The following MAGI2 variants were observed in gnomAD, a reference collection of about 807,000 sequenced individuals.
MAGI2 encodes the protein membrane associated guanylate kinase, WW and PDZ domain containing 2.
In MAGI2, 35 loss-of-function variants were observed where a neutral mutation model predicts 133.3. That is an observed-to-expected ratio of 0.26 (90% confidence interval 0.20 to 0.35). MAGI2 has a LOEUF of 0.35. Ranked by LOEUF, MAGI2 falls within the 10% of genes least tolerant of loss-of-function variation. The pLI, the probability that MAGI2 is intolerant of heterozygous loss-of-function variation, is 1.00. For synonymous variants in MAGI2, 729 were observed against 710.6 expected, an observed-to-expected ratio of 1.03 and a Z score of -0.41; for missense variants, 1,636 against 1,863.4, an observed-to-expected ratio of 0.88 and a Z score of 2.25.
intron 1 of MAGI2, among the ~76,000 whole-genome samples, chr7:79,242,042 G>A (rs1256575163): frequency 6.6e-6 from 1 of 152,130 alleles, no homozygotes. Context: ...CTACCACTTG[G>A]CTAGCACTGC....
chr7:78,477,538 G>A (rs913267828), intron 6 of MAGI2, among the ~76,000 whole-genome samples: 2 of 151,886 alleles, frequency 1.3e-5, no homozygotes, highest in African/African-American at 2.4e-5. Flanking sequence ...AATCATGGCA[G>A]AAGATGAAGG....
chr7:79,039,149 T>C (rs1811384987), intron 1 of MAGI2, among the ~76,000 whole-genome samples: 3 of 152,064 alleles, frequency 2.0e-5, no homozygotes, highest in Non-Finnish European at 4.4e-5. Context: ...GTTCTCGTGA[T>C]AGTGAGTGAG....
chr7:79,083,844 A>G (rs753956907), intron 1 of MAGI2, among the ~76,000 whole-genome samples: 4 of 151,710 alleles, frequency 2.6e-5, no homozygotes, highest in Non-Finnish European at 5.9e-5. Context: ...AATTCAGTCT[A>G]TTTACTCATT....
In MAGI2 at chr7:78,951,113, A is replaced by C. The variant is rs547572270; in HGVS notation, c.418+55977T>G. On this transcript the variant is annotated intron_variant, in intron 2 of 21. Coordinates refer to ENST00000354212, the MANE Select transcript of MAGI2 (RefSeq NM_012301.4). The stretch of plus-strand genomic sequence containing the variant: ...CAGCCTCCCAAGTGGCTGGGATTAC[A>C]GGTGTGCACCACCACGCCTGGCTAA... Among the ~76,000 whole-genome samples, 305 of 151,884 alleles carry C rather than the reference A, an allele frequency of 2.0e-3. 3 individuals are homozygous for C. The highest frequency in any genetic ancestry group is 5.2e-3 in the South Asian group (25 of 4,810).
chr7:79,312,764 G>C (rs767312320), intron 1 of MAGI2, among the ~76,000 whole-genome samples: 5 of 152,160 alleles, frequency 3.3e-5, no homozygotes, highest in Admixed American at 3.3e-4. Context: ...GAAGAGCACT[G>C]TCAAAACCTA....
intron 1 of MAGI2, among the ~76,000 whole-genome samples, chr7:79,253,070 A>G (rs1247875280): frequency 2.0e-5 from 3 of 152,232 alleles, no homozygotes; most frequent in Admixed American, 6.5e-5. Context: ...TAGAATATCA[A>G]TCTCATTTCT....
chr7:79,299,207 TA>T (rs1389008774), intron 1 of MAGI2, among the ~76,000 whole-genome samples: 1 of 152,090 alleles, frequency 6.6e-6, no homozygotes, highest in Non-Finnish European at 1.5e-5. Flanking sequence ...AGACCTTATA[TA>T]AGAATATTTG....
At chr7:78,311,193 T>C (rs1420611704) in intron 9 of MAGI2, among the ~76,000 whole-genome samples, 1 of 151,760 alleles carries the variant, frequency 6.6e-6, no homozygotes, top group Non-Finnish European at 1.5e-5. Flanking sequence ...GGAAATAAAA[T>C]AGAGAAAGAA....
chr7:79,129,745 T>C (rs1040010305), intron 1 of MAGI2, among the ~76,000 whole-genome samples: 2 of 152,138 alleles, frequency 1.3e-5, no homozygotes, highest in Non-Finnish European at 2.9e-5. Context: ...AAAGATATTA[T>C]AGTATTAAAT....
At chr7:78,646,289 G>A (rs1230995965) in intron 2 of MAGI2, among the ~76,000 whole-genome samples, 1 of 152,018 alleles carries the variant, frequency 6.6e-6, no homozygotes, top group Non-Finnish European at 1.5e-5. Context: ...TCTGTTTCTG[G>A]AGTCTTAAAG....
At chr7:79,389,335 A>G (rs1453629509) in intron 1 of MAGI2, among the ~76,000 whole-genome samples, 6 of 152,142 alleles carry the variant, frequency 3.9e-5, no homozygotes, top group Admixed American at 3.9e-4. Context: ...TGGAATAGCT[A>G]AATTGCAAAA....
At chr7:79,395,948 G>A (rs1397290765) in intron 1 of MAGI2, among the ~76,000 whole-genome samples, 1 of 152,084 alleles carries the variant, frequency 6.6e-6, no homozygotes, top group African/African-American at 2.4e-5. Flanking sequence ...TAAAGTAGAA[G>A]AACATGTACA....
intron 1 of MAGI2, among the ~76,000 whole-genome samples, chr7:79,219,173 CATT>C (rs1002749930): frequency 6.6e-6 from 1 of 151,942 alleles, no homozygotes; most frequent in African/African-American, 2.4e-5. Context: ...TAATATTTAT[CATT>C]ATTATTGCTG....
chr7:79,032,737 A>G (rs900250602), intron 1 of MAGI2, among the ~76,000 whole-genome samples: 1 of 151,964 alleles, frequency 6.6e-6, no homozygotes, highest in African/African-American at 2.4e-5. Context: ...GAGTTTCTAA[A>G]CAAAATATTT....
intron 3 of MAGI2, among the ~76,000 whole-genome samples, chr7:78,585,254 G>T (rs1441467048): frequency 6.6e-6 from 1 of 152,112 alleles, no homozygotes; most frequent in Non-Finnish European, 1.5e-5. Flanking sequence ...TCCTGAAAAG[G>T]TGCTCTCACT....
chr7:78,230,437 A>T (rs562453427), intron 10 of MAGI2, among the ~76,000 whole-genome samples: 2 of 152,340 alleles, frequency 1.3e-5, no homozygotes, highest in African/African-American at 4.8e-5. Context: ...AGGTGTATAC[A>T]AGTTTTAAAA....
At chr7:78,673,263 AAT>A (rs1416725095) in intron 2 of MAGI2, among the ~76,000 whole-genome samples, 2 of 152,016 alleles carry the variant, frequency 1.3e-5, no homozygotes, top group Admixed American at 6.6e-5. Flanking sequence ...GAACCAATAG[AAT>A]ATATGTGTGT....
intron 1 of MAGI2, among the ~76,000 whole-genome samples, chr7:79,228,241 G>C (rs1446526344): frequency 6.6e-6 from 1 of 150,978 alleles, no homozygotes; most frequent in African/African-American, 2.4e-5. Flanking sequence ...CTACTCAGGA[G>C]GCTGAGGTTG....
At chr7:79,053,610 A>G (rs1812877393) in intron 1 of MAGI2, among the ~76,000 whole-genome samples, 2 of 152,196 alleles carry the variant, frequency 1.3e-5, no homozygotes, top group South Asian at 4.1e-4. Context: ...TATCCTAAGT[A>G]TTTATAATCA....
Sources: allele counts gnomAD v4.1 joint callset (sites outside exome capture counted in the v4.1 genomes callset), GRCh38; gene constraint gnomAD v4.1.1; transcripts MANE v1.5; gene names NCBI Gene and HGNC (gene_info 2026-07-23, HGNC 2026-07-21).